TTC34: variants seen among roughly 807,000 people sequenced by gnomAD.
The protein encoded by TTC34 is tetratricopeptide repeat protein 34.
A neutral mutation model predicts 40.7 loss-of-function variants in TTC34; 44 were observed. That is an observed-to-expected ratio of 1.08 (90% confidence interval 0.85 to 1.39). The LOEUF (loss-of-function observed/expected upper bound fraction) is 1.39, where lower values mean the gene tolerates loss of function less well. Ranked by LOEUF, TTC34 falls within the 40% of genes most tolerant of loss-of-function variation. The probability of loss-of-function intolerance (pLI) is 0.00; values close to 1 mark genes in which losing one functional copy is unlikely to be tolerated. For missense variants in TTC34, 884 were observed against 838.0 expected (o/e 1.05, Z -0.68); for synonymous variants, 422 against 398.6 (o/e 1.06, Z -0.70).
chr1:2,791,950 G>C (rs1322088017), intron 2 of TTC34, among the ~76,000 whole-genome samples: 2 of 137,050 alleles, frequency 1.5e-5, no homozygotes, highest in African/African-American at 5.4e-5. Context: ...CCCTTCTACT[G>C]TCGCTAATAT....
At chr1:2,759,294 ACG>A (rs1641611805) in intron 6 of TTC34, among the ~76,000 whole-genome samples, 3 of 109,354 alleles carry the variant, frequency 2.7e-5, no homozygotes, top group African/African-American at 3.8e-5. Context: ...CGAGCATCTG[ACG>A]TCCTGGAACA....
chr1:2,657,116 GAC>G (rs1639375110), intron 6 of TTC34, among the ~76,000 whole-genome samples: 1 of 102,830 alleles, frequency 9.7e-6, no homozygotes, highest in African/African-American at 3.0e-5. Context: ...GTGAGTCTCT[GAC>G]AGCCTGGAAC....
intron 2 of TTC34, among the ~76,000 whole-genome samples, chr1:2,790,868 C>T (rs536073647): frequency 1.3e-5 from 2 of 152,342 alleles, no homozygotes; most frequent in Admixed American, 6.5e-5. Flanking sequence ...GCCCTTCCCT[C>T]TCTGTAGCAG....
At chr1:2,697,533 C>A (rs4648570) in intron 6 of TTC34, among the ~76,000 whole-genome samples, 1 of 67,760 alleles carries the variant, frequency 1.5e-5, no homozygotes, top group Non-Finnish European at 3.6e-5. Context: ...CACACCCAGG[C>A]GAGCATCTGA....
chr1:2,642,462 G>A (rs1028319755), intron 8 of TTC34, among the ~76,000 whole-genome samples: 1 of 152,166 alleles, frequency 6.6e-6, no homozygotes, highest in East Asian at 1.9e-4. Flanking sequence ...CTGGACGGAG[G>A]GCACAGCCTG....
At chr1:2,792,349 C>G (rs1643673093) in intron 2 of TTC34, among the ~76,000 whole-genome samples, 1 of 152,038 alleles carries the variant, frequency 6.6e-6, no homozygotes. Context: ...CACATCAGTT[C>G]AATCGTTAGG....
intron 6 of TTC34, among the ~76,000 whole-genome samples, chr1:2,687,108 G>C (rs1193207378): frequency 2.1e-5 from 3 of 140,224 alleles, no homozygotes; most frequent in East Asian, 4.3e-4. Context: ...CCGACATCGT[G>C]GAGTAGCACC....
At chr1:2,785,718 G>C in intron 5 of TTC34, 101 bp downstream of exon 5, 1 of 1,313,046 alleles carries the variant, frequency 7.6e-7, no homozygotes, top group Non-Finnish European at 1.0e-6. Context: ...CCCTGCACCT[G>C]GGGAGCATGC....
At chr1:2,754,852 C>T (rs1641452802) in intron 6 of TTC34, among the ~76,000 whole-genome samples, 7 of 124,866 alleles carry the variant, frequency 5.6e-5, no homozygotes, top group African/African-American at 2.7e-4. Flanking sequence ...TGGAACAGCA[C>T]CCACATGCCC....
chr1:2,684,824 G>A (rs1640249316), intron 6 of TTC34, among the ~76,000 whole-genome samples: 6 of 66,130 alleles, frequency 9.1e-5, no homozygotes, highest in South Asian at 1.2e-3. Context: ...ACATCGTGCA[G>A]CAGCACCCCA....
At chr1:2,749,504 GC>G in intron 6 of TTC34, among the ~76,000 whole-genome samples, 1 of 67,548 alleles carries the variant, frequency 1.5e-5, no homozygotes, top group East Asian at 4.9e-4. Context: ...GCATTGGACA[GC>G]CTGGAGCAGC....
chr1:2,685,869 G>T (rs1459824631), intron 6 of TTC34, among the ~76,000 whole-genome samples: 2 of 145,496 alleles, frequency 1.4e-5, no homozygotes, highest in East Asian at 2.1e-4. Context: ...GCCTGGAACA[G>T]CACCCTGCAC....
At chr1:2,640,147 G>T (rs150659007) in exon 9 of TTC34, 2,101 of 152,586 alleles carry the variant, frequency 0.014, 21 homozygotes, top group Admixed American at 0.024. Context: ...AAGCCAGGAG[G>T]GGGGGTCGTG....
intron 8 of TTC34, among the ~76,000 whole-genome samples, chr1:2,642,302 C>T (rs902821087): frequency 5.3e-5 from 8 of 152,196 alleles, no homozygotes; most frequent in Admixed American, 5.2e-4. Flanking sequence ...GGTGACCACA[C>T]CGGCCTCCTC....
Position 2,755,705 on chromosome 1 carries a change from C to T in TTC34, c.2226+27904G>A. Among the ~76,000 whole-genome samples the T allele has an allele frequency of 1.7e-5, 2 of 114,320 alleles. 1 individual carries two copies. Among genetic ancestry groups the T allele is most frequent in the East Asian group, 6.0e-4 (2 of 3,344 alleles). 75.0% of individuals were successfully genotyped at this position (114,320 alleles called of 152,430 possible). ...ACATCGTGGAGCAGCACCCCAAACC[C>T]ACAGGTGAGCATCCGACAGCCTGGA... On this transcript the variant is annotated intron_variant, in intron 6 of 8. Transcript: ENST00000401095.
intron 6 of TTC34, among the ~76,000 whole-genome samples, chr1:2,688,229 G>C (rs797007257): frequency 0.048 from 5,747 of 120,054 alleles, no homozygotes; most frequent in South Asian, 0.08. Context: ...GCATCCGACA[G>C]CCTGGAGCAG....
In TTC34 at chr1:2,787,625, A is replaced by G. The variant is rs535822328; in HGVS notation, c.1710T>C (p.Ala570=). 5.2e-5 allele frequency: 80 copies of G among 1,549,984 alleles called. No homozygotes were observed. In the East Asian group the frequency reaches 1.7e-3, roughly 34 times the overall value. The stretch of plus-strand genomic sequence containing the variant: ...GGCGGCCCAGGCGGTACAGGGCATC[A>G]GCCGCCAGGAGGCGAGAGGCCTCGT... The change falls in exon 4 of 9, where the codon GCT becomes GCC. Residue 570 remains alanine, a synonymous_variant. Transcript: ENST00000401095.
At chr1:2,677,029 A>C (rs1285330077) in intron 6 of TTC34, among the ~76,000 whole-genome samples, 1 of 98,264 alleles carries the variant, frequency 1.0e-5, no homozygotes, top group African/African-American at 3.5e-5. Context: ...AGCATCCGAT[A>C]ACCTGGAGCA....
At chr1:2,786,255 G>C (rs1006344953) in intron 4 of TTC34, among the ~76,000 whole-genome samples, 1 of 152,114 alleles carries the variant, frequency 6.6e-6, no homozygotes, top group Non-Finnish European at 1.5e-5. Flanking sequence ...CCATCACCCC[G>C]ATCCTCCCCT....
Sources: gnomAD v4.1 joint callset for allele counts (sites outside exome capture counted in the v4.1 genomes callset) on GRCh38, gnomAD v4.1.1 for gene constraint, MANE v1.5 for transcripts, NCBI Gene and HGNC (gene_info 2026-07-23, HGNC 2026-07-21) for gene names.